FLII: variants seen among roughly 807,000 people sequenced by gnomAD.
The protein encoded by FLII is FLII actin remodeling protein.
In FLII, 101 loss-of-function variants were observed where a neutral mutation model predicts 156.2. The ratio of observed to expected loss-of-function variants is 0.65; its 90% CI spans 0.55 to 0.76. FLII has a LOEUF of 0.76. Among genes scored for constraint, FLII ranks in the 30% least tolerant of loss-of-function variants. The pLI is 0.00. For missense variants in FLII, 1,675 were observed against 1,682.8 expected, an observed-to-expected ratio of 1.00 and a Z score of 0.08; for synonymous variants, 767 against 685.8, an observed-to-expected ratio of 1.12 and a Z score of -1.85.
chr17:18,258,899 C>T (rs1433290713), upstream of FLII: 10 of 283,736 alleles, frequency 3.5e-5, no homozygotes, highest in Admixed American at 2.1e-4. This position sits in a 1 kb window ranked among gnomAD's most constrained non-coding sequence, Gnocchi z 4.2. Context: ...GAGTGCGGGC[C>T]CCCCCTGTGC....
At chr17:18,251,520 A>ACAC in intron 12 of FLII, 43 bp from the exon 13 acceptor site, 1 of 1,572,186 alleles carries the variant, frequency 6.4e-7, no homozygotes, top group Non-Finnish European at 8.6e-7. Context: ...CTGTGAAGCC[A>ACAC]CTCAGGCCAG....
At chr17:18,251,612 C>T (rs2048270704) in intron 12 of FLII, 68 bp downstream of exon 12, 2 of 1,605,272 alleles carry the variant, frequency 1.2e-6, no homozygotes, top group Non-Finnish European at 1.7e-6. Flanking sequence ...TGGCCAGGGT[C>T]AAGGCCAGGG....
chr17:18,252,355 C>T, intron 10 of FLII, 117 bp downstream of exon 10: 1 of 1,029,874 alleles, frequency 9.7e-7, no homozygotes, highest in Non-Finnish European at 1.5e-6. Flanking sequence ...CACCTTCTCC[C>T]CACGGGCACC....
rs1451205869 is a variant in FLII at position 18,251,401 on chromosome 17, T to A, written c.1460A>T (p.Tyr487Phe). The change falls in exon 13 of 30, where the codon TAC (tyrosine) becomes TTC (phenylalanine). Residue 487 changes from tyrosine (Y) to phenylalanine (F), a missense_variant. By Grantham distance (22) the Tyr-to-Phe change is conservative. Transcript: ENST00000327031. ...CACGTCCTCCGTGAAGAACTCGGAG[T>A]AGTCAAGGCGGGGCTTCTCCAGGCC... ...DQGLEKPRLD[Y>F]SEFFTEDVGQ... The A allele has an allele frequency of 6.2e-7, 1 of 1,613,060 alleles. No individual in the cohort carries two copies. The highest frequency in any genetic ancestry group is 1.1e-5 in the South Asian group (1 of 91,062).
At position 18,252,458 on chromosome 17, in the gene FLII, C is replaced by T. The variant is rs2048299866; in HGVS notation, c.1098+14G>A. The T allele has an allele frequency of 6.2e-7, 1 of 1,612,422 alleles. No individual in the cohort carries two copies. Among genetic ancestry groups the T allele is most frequent in the African/African-American group, 1.3e-5 (1 of 74,886 alleles). ...TTGTCTCTCTTGAGCCCTCTCAAACCCAGCATGCCTGACCTCGATCTCCGT... is the reference window on the plus strand; with the variant it reads ...TTGTCTCTCTTGAGCCCTCTCAAACTCAGCATGCCTGACCTCGATCTCCGT... On this transcript the variant is annotated intron_variant, in intron 10 of 29. Coordinates refer to ENST00000327031, the MANE Select transcript of FLII (RefSeq NM_002018.4).
chr17:18,246,918 G>A lies in FLII; in HGVS notation c.2811C>T (p.Leu937=). The A allele has an allele frequency of 2.5e-6, 4 of 1,614,198 alleles. No homozygotes were observed. Among genetic ancestry groups the A allele is most frequent in the Non-Finnish European group, 3.4e-6 (4 of 1,180,028 alleles). ...AGGGAGTGCTGAGGTGGTACCTGCA[G>A]AGGAAGACGTAGCAGTCCTGCGTGT... ...HFYTQDCYVF[L]CRYWVPVEYE... The change falls in exon 22 of 30, where the codon CTC becomes CTT. Residue 937 remains leucine, a synonymous_variant. Transcript: ENST00000327031.
Position 18,245,135 on chromosome 17 carries a change from G to A in FLII, c.*3C>T. The stretch of plus-strand genomic sequence containing the variant: ...ACCAAGCCTGGGGCTGTGCCAGCCT[G>A]TCTTAGGCCAGGGCCTTGCAGAAGG... On this transcript the variant is annotated 3_prime_UTR_variant, in exon 30 of 30. Transcript: ENST00000327031. 6.2e-7 allele frequency: 1 copy of A among 1,611,022 alleles called. No individual in the cohort carries two copies. Among genetic ancestry groups the A allele is most frequent in the Non-Finnish European group, 8.5e-7 (1 of 1,178,146 alleles).
In FLII at chr17:18,246,666, G is replaced by T; in HGVS notation, c.2979C>A (p.Ser993=). 1 of 1,613,862 alleles carries T rather than the reference G, an allele frequency of 6.2e-7. No homozygotes were observed. The highest frequency in any genetic ancestry group is 8.5e-7 in the Non-Finnish European group (1 of 1,179,892). Residue 993 remains serine, a synonymous_variant, in exon 23 of 30, where the codon TCC becomes TCA. Transcript: ENST00000327031. ...IVYFWQGREA[S]NMGWLTFTFS... ...AGGTGAAGGTGAGCCAGCCCATATT[G>T]GAGGCTTCACGGCCCTGCCAGAAGT...
intron 18 of FLII, 75 bp downstream of exon 18, chr17:18,248,475 A>G (rs1005580030): frequency 1.6e-5 from 23 of 1,418,278 alleles, no homozygotes; most frequent in Non-Finnish European, 2.2e-5. Context: ...AGCCAACTAC[A>G]TCGGTGTGTA....
chr17:18,252,408 C>T (rs997634553), intron 10 of FLII, 64 bp downstream of exon 10: 32 of 1,516,654 alleles, frequency 2.1e-5, no homozygotes, highest in South Asian at 3.4e-5. Flanking sequence ...GCTGGGTCCC[C>T]CTTGCTCCAG....
At chr17:18,256,417 G>T in intron 3 of FLII, 109 bp downstream of exon 3, 2 of 834,202 alleles carry the variant, frequency 2.4e-6, no homozygotes, top group Non-Finnish European at 3.9e-6. Context: ...AGCCTGACAC[G>T]GAGGTGGGCA....
chr17:18,252,313 G>A (rs952225557), intron 10 of FLII, among the ~76,000 whole-genome samples, 159 bp downstream of exon 10: 1 of 152,186 alleles, frequency 6.6e-6, no homozygotes, highest in Non-Finnish European at 1.5e-5. Flanking sequence ...ATGAGACTGT[G>A]GAATGTACTC....
chr17:18,254,941 T>G, intron 4 of FLII, 87 bp from the exon 5 acceptor site: 2 of 1,371,276 alleles, frequency 1.5e-6, no homozygotes, highest in African/African-American at 1.4e-5. Flanking sequence ...GGGCACTGAG[T>G]TGGGTGTGGG....
At chr17:18,250,727 A>C in intron 14 of FLII, 111 bp downstream of exon 14, 2 of 1,197,036 alleles carry the variant, frequency 1.7e-6, no homozygotes, top group Non-Finnish European at 2.4e-6. Flanking sequence ...CTTTAACCCC[A>C]GCTCCCTGCC....
At position 18,251,779 on chromosome 17, in the gene FLII, C is replaced by T; in HGVS notation, c.1284G>A (p.Met428Ile). 1 of 1,613,838 alleles carries T rather than the reference C, an allele frequency of 6.2e-7. No individual in the cohort carries two copies. Among genetic ancestry groups the T allele is most frequent in the Non-Finnish European group, 8.5e-7 (1 of 1,180,032 alleles). The change falls in exon 12 of 30, where the codon ATG becomes ATA. Residue 428 changes from methionine to isoleucine, a missense_variant. Met to Ile is a conservative substitution (Grantham distance 10). Transcript: ENST00000327031. The stretch of plus-strand genomic sequence containing the variant: ...CTGAATCCTTGCGCCTCCGCAGTCG[C>T]ATCTTGCGAGCCATAGGGTCCTTGG... ...SGPKDPMARK[M>I]RLRRRKDSAQ... is the part of the protein sequence containing the mutation.
At chr17:18,251,964 GC>G (rs544182003) in intron 11 of FLII, 34 bp downstream of exon 11, 70 of 1,606,020 alleles carry the variant, frequency 4.4e-5, no homozygotes, top group Non-Finnish European at 5.4e-5. Flanking sequence ...CTGGAGAGGA[GC>G]CCCCGTTCCC....
At chr17:18,257,174 CA>C in intron 1 of FLII, 155 bp from the exon 2 acceptor site, 1 of 570,870 alleles carries the variant, frequency 1.8e-6, no homozygotes, top group Non-Finnish European at 3.1e-6. Context: ...TCAATTTCTT[CA>C]CCCATAGAAT....
At position 18,258,643 on chromosome 17, in the gene FLII, G is replaced by A. The variant is rs1467377140; in HGVS notation, c.48C>T (p.Ser16=). The A allele has an allele frequency of 1.9e-6, 3 of 1,558,020 alleles. No individual in the cohort carries two copies. The highest frequency in any genetic ancestry group is 2.3e-5 in the South Asian group (2 of 85,744). Residue 16 remains serine, a synonymous_variant, in exon 1 of 30, where the codon AGC becomes AGT. Transcript: ENST00000327031. This position sits in a 1 kb window ranked among gnomAD's most constrained non-coding sequence, Gnocchi z 4.2. ...VLPFVRGVDL[S]GNDFKGGYFP... The stretch of plus-strand genomic sequence containing the variant: ...CCCGGCTCACCTTGAAGTCGTTGCC[G>A]CTGAGGTCCACGCCACGCACGAACG...
chr17:18,257,218 T>C (rs1481419765), intron 1 of FLII, 199 bp from the exon 2 acceptor site: 3 of 548,064 alleles, frequency 5.5e-6, no homozygotes, highest in Non-Finnish European at 9.7e-6. Flanking sequence ...ACAAAAGTGT[T>C]GGCCTAAGAT....
Sources: gnomAD v4.1 joint callset for allele counts (sites outside exome capture counted in the v4.1 genomes callset) on GRCh38, gnomAD v4.1.1 for gene constraint, Gnocchi (gnomAD v3.1) non-coding constraint, MANE v1.5 for transcripts, NCBI Gene and HGNC (gene_info 2026-07-23, HGNC 2026-07-21) for gene names.